Variants in ERC2 observed in about 807,000 individuals in gnomAD.
The protein encoded by ERC2 is ELKS/RAB6-interacting/CAST family member 2.
Under a neutral mutation model 114.8 loss-of-function variants are expected in ERC2, and 42 were observed. The observed-to-expected ratio is 0.37, with a 90% CI of 0.29 to 0.47. The LOEUF is 0.47. Ranked by LOEUF, ERC2 falls within the 20% of genes least tolerant of loss-of-function variation. The pLI, the probability that ERC2 is intolerant of heterozygous loss-of-function variation, is 0.99. For synonymous variants in ERC2, 454 were observed against 425.5 expected, an observed-to-expected ratio of 1.07 and a Z score of -0.82; for missense variants, 939 against 1,150.7, an observed-to-expected ratio of 0.82 and a Z score of 2.66.
intron 7 of ERC2, among the ~76,000 whole-genome samples, chr3:56,049,870 G>T (rs2075680586): frequency 6.8e-6 from 1 of 147,308 alleles, no homozygotes; most frequent in Admixed American, 6.8e-5. Context: ...GTATCCTATT[G>T]GTTCTGTCCT....
At chr3:55,512,673 A>G (rs368847484) in intron 17 of ERC2, among the ~76,000 whole-genome samples, 3 of 152,342 alleles carry the variant, frequency 2.0e-5, no homozygotes, top group African/African-American at 7.2e-5. Context: ...TTTTTCCAAG[A>G]TAAAGTAGCA....
At chr3:55,905,360 C>T (rs2064368713) in intron 13 of ERC2, among the ~76,000 whole-genome samples, 1 of 152,190 alleles carries the variant, frequency 6.6e-6, no homozygotes, top group Non-Finnish European at 1.5e-5. Context: ...GGATTACAGG[C>T]GTGAGCCACC....
intron 14 of ERC2, among the ~76,000 whole-genome samples, chr3:55,801,470 G>A (rs1019004062): frequency 2.0e-5 from 3 of 152,214 alleles, no homozygotes; most frequent in Non-Finnish European, 4.4e-5. Flanking sequence ...AACCAAGAGA[G>A]AGCCAAAGGT....
At chr3:55,918,908 T>C (rs1015713065) in intron 13 of ERC2, among the ~76,000 whole-genome samples, 1 of 151,784 alleles carries the variant, frequency 6.6e-6, no homozygotes, top group Middle Eastern at 3.2e-3. Context: ...TGTTCTGTTA[T>C]GCAGCAATAG....
chr3:56,427,771 G>C (rs141910047), intron 2 of ERC2, among the ~76,000 whole-genome samples: 1 of 152,254 alleles, frequency 6.6e-6, no homozygotes, highest in East Asian at 1.9e-4. Context: ...TCAGAAGGAA[G>C]CAACCTGCTG....
intron 6 of ERC2, among the ~76,000 whole-genome samples, chr3:56,116,973 C>T (rs1403060643): frequency 6.6e-6 from 1 of 152,222 alleles, no homozygotes; most frequent in East Asian, 1.9e-4. Flanking sequence ...TGCTTATTCT[C>T]ACCCTTTAAG....
At chr3:56,012,420 A>C (rs2073017697) in intron 8 of ERC2, among the ~76,000 whole-genome samples, 1 of 152,142 alleles carries the variant, frequency 6.6e-6, no homozygotes, top group Non-Finnish European at 1.5e-5. Context: ...CTGCATGATC[A>C]TCCTCCCAGC....
At position 56,010,557 on chromosome 3, in the gene ERC2, T is replaced by C. The variant is rs777615803; in HGVS notation, c.1812A>G (p.Arg604=). 18 of 1,613,428 alleles carry C rather than the reference T, an allele frequency of 1.1e-5. No homozygotes were observed. The South Asian group carries it at 2.0e-4, about 18-fold the overall frequency. ...CTAGTCTTTCCCGATCATCTCTTTC[T>C]CGCTGTTCTTTCAAGCGCTCAATTA... ...ERIIERLKEQ[R]ERDDRERLEE... is the part of the protein sequence containing the mutation. Residue 604 remains arginine, a synonymous_variant, in exon 9 of 18, where the codon CGA becomes CGG. Transcript: ENST00000288221.
chr3:56,035,487 T>C (rs1397686510), intron 7 of ERC2, among the ~76,000 whole-genome samples: 5 of 152,202 alleles, frequency 3.3e-5, no homozygotes, highest in Admixed American at 3.3e-4. Context: ...TATTCACGTG[T>C]TGGAGACTTA....
intron 12 of ERC2, among the ~76,000 whole-genome samples, chr3:55,950,878 A>C (rs957765595): frequency 6.6e-6 from 1 of 152,204 alleles, no homozygotes; most frequent in African/African-American, 2.4e-5. Context: ...GAAGGAAACA[A>C]ATAGCATGCT....
chr3:56,376,762 CAAA>C (rs5849150), intron 2 of ERC2, among the ~76,000 whole-genome samples: 37 of 143,066 alleles, frequency 2.6e-4, no homozygotes, highest in Non-Finnish European at 2.6e-4. Flanking sequence ...GACTCTGTCT[CAAA>C]AAAAAAAAAA....
At chr3:55,975,218 G>A (rs1331384877) in intron 12 of ERC2, among the ~76,000 whole-genome samples, 3 of 151,710 alleles carry the variant, frequency 2.0e-5, no homozygotes, top group African/African-American at 7.3e-5. Flanking sequence ...ATTAAACCTT[G>A]CAGAATGCAT....
At chr3:56,004,888 T>C (rs1250835350) in intron 10 of ERC2, among the ~76,000 whole-genome samples, 2 of 152,076 alleles carry the variant, frequency 1.3e-5, no homozygotes, top group Non-Finnish European at 2.9e-5. Context: ...GCTGCTTATT[T>C]TTCCATGAGT....
chr3:56,186,451 T>C (rs1285356449), intron 3 of ERC2, among the ~76,000 whole-genome samples: 1 of 152,204 alleles, frequency 6.6e-6, no homozygotes, highest in Non-Finnish European at 1.5e-5. Context: ...ATCAGGTTCA[T>C]CTCCGATGAT....
At chr3:56,175,811 A>C (rs925352282) in intron 3 of ERC2, among the ~76,000 whole-genome samples, 2 of 152,196 alleles carry the variant, frequency 1.3e-5, no homozygotes, top group African/African-American at 4.8e-5. Flanking sequence ...AAGTGTAATA[A>C]GAAATTAGGA....
At chr3:55,699,956 G>A (rs946219414) in intron 15 of ERC2, among the ~76,000 whole-genome samples, 3 of 152,144 alleles carry the variant, frequency 2.0e-5, no homozygotes, top group Admixed American at 6.5e-5. Flanking sequence ...GATAAACAAT[G>A]GTCTCACAAG....
intron 17 of ERC2, among the ~76,000 whole-genome samples, chr3:55,560,746 G>T (rs544834764): frequency 6.1e-4 from 93 of 152,328 alleles, no homozygotes; most frequent in African/African-American, 2.2e-3. Flanking sequence ...GGGGGCATTT[G>T]TTATACAACA....
chr3:56,297,382 C>T (rs1213627660), intron 2 of ERC2, among the ~76,000 whole-genome samples: 1 of 151,952 alleles, frequency 6.6e-6, no homozygotes, highest in African/African-American at 2.4e-5. Flanking sequence ...GACCCAGAAA[C>T]AGAAAGTCTT....
chr3:56,027,675 A>G (rs781559961), intron 7 of ERC2, among the ~76,000 whole-genome samples: 3 of 152,066 alleles, frequency 2.0e-5, no homozygotes, highest in African/African-American at 4.8e-5. Context: ...TTGTTTTACT[A>G]TTCACCGTTG....
Sources: gnomAD v4.1 joint callset for allele counts (sites outside exome capture counted in the v4.1 genomes callset) on GRCh38, gnomAD v4.1.1 for gene constraint, MANE v1.5 for transcripts, NCBI Gene and HGNC (gene_info 2026-07-23, HGNC 2026-07-21) for gene names.